CERS3: variants seen among roughly 807,000 people sequenced by gnomAD.
CERS3 encodes ceramide synthase 3.
In CERS3, 33 loss-of-function variants were observed where a neutral mutation model predicts 50.3. The ratio of observed to expected loss-of-function variants is 0.66; its 90% CI spans 0.50 to 0.88. The LOEUF is 0.88. CERS3 is among the 40% of genes least tolerant of loss of function. The pLI is 0.00. For missense variants in CERS3, 470 were observed against 460.3 expected, an observed-to-expected ratio of 1.02 and a Z score of -0.19; for synonymous variants, 176 against 155.2, an observed-to-expected ratio of 1.13 and a Z score of -0.99.
chr15:100,448,508 G>T (rs1048295116), intron 11 of CERS3, among the ~76,000 whole-genome samples: 6 of 152,196 alleles, frequency 3.9e-5, no homozygotes, highest in Non-Finnish European at 7.3e-5. Context: ...CTAACATAGA[G>T]AGCTGCCTAG....
At chr15:100,444,485 G>T (rs895288557) in intron 11 of CERS3, among the ~76,000 whole-genome samples, 2 of 152,176 alleles carry the variant, frequency 1.3e-5, no homozygotes, top group East Asian at 3.9e-4. Flanking sequence ...CTTGGTTTAT[G>T]GATGGCAGTT....
chr15:100,437,506 C>T (rs1429129723), intron 11 of CERS3, among the ~76,000 whole-genome samples: 1 of 152,110 alleles, frequency 6.6e-6, no homozygotes, highest in Admixed American at 6.5e-5. Context: ...TCACTGGAGC[C>T]TTGGGTTTCA....
chr15:100,487,142 C>T (rs539201398), intron 4 of CERS3, among the ~76,000 whole-genome samples: 4 of 152,202 alleles, frequency 2.6e-5, no homozygotes, highest in Admixed American at 2.6e-4. Flanking sequence ...ATTTATTGAC[C>T]ATCTGTAATG....
At chr15:100,537,863 G>A (rs1312363063) in intron 1 of CERS3, among the ~76,000 whole-genome samples, 2 of 152,104 alleles carry the variant, frequency 1.3e-5, no homozygotes, top group Non-Finnish European at 1.5e-5. Flanking sequence ...AAAAGTCCAA[G>A]TCCAAAGTTT....
intron 2 of CERS3, among the ~76,000 whole-genome samples, chr15:100,513,112 T>TG (rs2036393695): frequency 1.3e-5 from 2 of 152,192 alleles, no homozygotes; most frequent in Admixed American, 1.3e-4. Context: ...TCTCCCCTCA[T>TG]GGTCTTCCCT....
chr15:100,502,097 T>A (rs2036021997), intron 2 of CERS3, among the ~76,000 whole-genome samples: 1 of 151,378 alleles, frequency 6.6e-6, no homozygotes, highest in Non-Finnish European at 1.5e-5. Flanking sequence ...ATACAAAAAT[T>A]GGTCAGGTGT....
intron 10 of CERS3, among the ~76,000 whole-genome samples, chr15:100,456,920 C>A (rs2034392086): frequency 7.0e-6 from 1 of 143,364 alleles, no homozygotes; most frequent in African/African-American, 2.6e-5. Context: ...GCACTCCAGC[C>A]TGGGTGACAG....
At chr15:100,490,142 C>G (rs770879017) in intron 4 of CERS3, among the ~76,000 whole-genome samples, 3 of 152,078 alleles carry the variant, frequency 2.0e-5, no homozygotes, top group Non-Finnish European at 2.9e-5. Flanking sequence ...GGAAATATAA[C>G]AAAACTGGAG....
intron 11 of CERS3, among the ~76,000 whole-genome samples, chr15:100,405,820 G>C (rs1292796398): frequency 1.5e-4 from 23 of 152,150 alleles, no homozygotes; most frequent in Non-Finnish European, 2.5e-4. Flanking sequence ...CCATTTTCCT[G>C]ATAATAATTT....
intron 7 of CERS3, among the ~76,000 whole-genome samples, chr15:100,477,783 G>C (rs1267616659): frequency 6.6e-6 from 1 of 152,146 alleles, no homozygotes; most frequent in East Asian, 1.9e-4. Flanking sequence ...CTAAGGAAAA[G>C]GAGTCATGGT....
chr15:100,448,766 C>T (rs1436339611), intron 11 of CERS3, among the ~76,000 whole-genome samples: 1 of 152,252 alleles, frequency 6.6e-6, no homozygotes, highest in African/African-American at 2.4e-5. Flanking sequence ...GACAGTGGCC[C>T]TGATATCCCC....
Position 100,476,079 on chromosome 15 carries a change from CACTT to C in CERS3, c.609+3_609+6del. On this transcript the variant is annotated splice_donor_5th_base_variant and intron_variant, in intron 8 of 11. Transcript: ENST00000679737. Reference sequence around the variant, plus strand: ...TGATAAAGAAGCTTTGTAAATAAGACACTTACCTTTCTCTTGACATCAAAGCCAA... The same window carrying C: ...TGATAAAGAAGCTTTGTAAATAAGACACCTTTCTCTTGACATCAAAGCCAA... The C allele has an allele frequency of 6.5e-7, 1 of 1,539,184 alleles. No individual in the cohort carries two copies. Among genetic ancestry groups the C allele is most frequent in the Non-Finnish European group, 8.7e-7 (1 of 1,144,890 alleles).
intron 2 of CERS3, among the ~76,000 whole-genome samples, chr15:100,512,329 T>TG: frequency 6.6e-6 from 1 of 152,264 alleles, no homozygotes; most frequent in South Asian, 2.1e-4. Context: ...GGAAAGGGTT[T>TG]TGCTTTTGAG....
intron 2 of CERS3, among the ~76,000 whole-genome samples, chr15:100,516,417 T>TA (rs1377559354): frequency 6.6e-6 from 1 of 152,212 alleles, no homozygotes. Context: ...CTTTGTTTAC[T>TA]GGCCTGTTAA....
intron 3 of CERS3, among the ~76,000 whole-genome samples, chr15:100,495,216 C>G (rs1383830739): frequency 6.6e-6 from 1 of 152,162 alleles, no homozygotes; most frequent in Non-Finnish European, 1.5e-5. Flanking sequence ...AGCCAGGTTG[C>G]TAGTTTCCAC....
At chr15:100,452,291 T>C (rs1194401839) in intron 11 of CERS3, among the ~76,000 whole-genome samples, 1 of 152,156 alleles carries the variant, frequency 6.6e-6, no homozygotes, top group South Asian at 2.1e-4. Context: ...TAGACCACAA[T>C]GGATTAGAAC....
At chr15:100,469,926 A>T (rs2034909695) in intron 9 of CERS3, among the ~76,000 whole-genome samples, 1 of 151,840 alleles carries the variant, frequency 6.6e-6, no homozygotes, top group African/African-American at 2.4e-5. Flanking sequence ...GCAGTCAAGG[A>T]GGCTATTTCA....
intron 5 of CERS3, among the ~76,000 whole-genome samples, chr15:100,482,323 G>A (rs1473401376): frequency 6.6e-6 from 1 of 152,176 alleles, no homozygotes; most frequent in Non-Finnish European, 1.5e-5. Flanking sequence ...AGTGAAAGGA[G>A]GGACTGCAGG....
intron 2 of CERS3, among the ~76,000 whole-genome samples, chr15:100,518,601 T>C (rs767947615): frequency 2.0e-5 from 3 of 152,246 alleles, no homozygotes; most frequent in Non-Finnish European, 4.4e-5. Context: ...TTTCTGTCAA[T>C]ATGCATTTAC....
Sources: gnomAD v4.1 joint callset for allele counts (sites outside exome capture counted in the v4.1 genomes callset) on GRCh38, gnomAD v4.1.1 for gene constraint, MANE v1.5 for transcripts, NCBI Gene and HGNC (gene_info 2026-07-23, HGNC 2026-07-21) for gene names.